The following ARHGAP21 variants were observed in gnomAD, a reference collection of about 807,000 sequenced individuals.
ARHGAP21 encodes rho GTPase-activating protein 21.
ARHGAP21 carries 38 observed loss-of-function variants against 164.6 expected under a neutral mutation model. The observed-to-expected ratio is 0.23, with a 90% CI of 0.18 to 0.30. The LOEUF (loss-of-function observed/expected upper bound fraction) is 0.30. Ranked by LOEUF, ARHGAP21 falls within the 10% of genes least tolerant of loss-of-function variation. The pLI is 1.00. For synonymous variants in ARHGAP21, 766 were observed against 857.9 expected (o/e 0.89, Z 1.87); for missense variants, 1,822 against 2,370.7 (o/e 0.77, Z 4.81).
At chr10:24,604,398 T>G in intron 11 of ARHGAP21, 50 bp from the exon 12 acceptor site, 1 of 1,292,772 alleles carries the variant, frequency 7.7e-7, no homozygotes, top group East Asian at 2.4e-5. Flanking sequence ...AAAAAAAATC[T>G]TAAAGATGTA....
chr10:24,595,504 T>TATTA (rs2076542900), intron 19 of ARHGAP21, among the ~76,000 whole-genome samples: 1 of 152,218 alleles, frequency 6.6e-6, no homozygotes, highest in Non-Finnish European at 1.5e-5. Context: ...GAAACAATAA[T>TATTA]ATTAATTTGG....
intron 3 of ARHGAP21, 128 bp downstream of exon 3, chr10:24,670,090 A>G (rs1840560261): frequency 7.3e-6 from 4 of 544,908 alleles, no homozygotes; most frequent in African/African-American, 5.9e-5. Flanking sequence ...TATAATAAAA[A>G]TTCAAATGTA....
intron 2 of ARHGAP21, 119 bp downstream of exon 2, chr10:24,721,718 C>G: frequency 2.5e-6 from 3 of 1,196,736 alleles, no homozygotes; most frequent in Non-Finnish European, 3.6e-6. Flanking sequence ...CTCCCGCCAA[C>G]AGGCTCAAAG....
chr10:24,656,406 C>T (rs1240649239), intron 4 of ARHGAP21, among the ~76,000 whole-genome samples: 18 of 98,040 alleles, frequency 1.8e-4, no homozygotes, highest in Non-Finnish European at 2.3e-4. Context: ...GTCAGCCCTC[C>T]GCCCGGCCAG....
chr10:24,656,357 C>G (rs1212121303), intron 4 of ARHGAP21, among the ~76,000 whole-genome samples: 66 of 91,630 alleles, frequency 7.2e-4, no homozygotes, highest in Admixed American at 1.5e-3. Flanking sequence ...TCAGCCCCCC[C>G]ACCCGGCCAG....
At chr10:24,696,311 CTG>C (rs1224929396) in intron 2 of ARHGAP21, among the ~76,000 whole-genome samples, 1 of 152,176 alleles carries the variant, frequency 6.6e-6, no homozygotes, top group Non-Finnish European at 1.5e-5. Flanking sequence ...ACAGAAAGCT[CTG>C]AGAATCTGCA....
At chr10:24,601,881 A>G (rs1390182950) in intron 13 of ARHGAP21, 97 bp downstream of exon 13, 1 of 1,275,180 alleles carries the variant, frequency 7.8e-7, no homozygotes, top group Non-Finnish European at 1.0e-6. Context: ...TTCACTCTTT[A>G]ATCTGGATAT....
At chr10:24,656,202 G>A (rs1228274260) in intron 4 of ARHGAP21, among the ~76,000 whole-genome samples, 4 of 139,718 alleles carry the variant, frequency 2.9e-5, no homozygotes, top group African/African-American at 5.7e-5. Flanking sequence ...CGCCCCATCC[G>A]GGAGGGAGGT....
chr10:24,597,410 T>C, intron 16 of ARHGAP21, 37 bp downstream of exon 16: 1 of 1,597,706 alleles, frequency 6.3e-7, no homozygotes, highest in Non-Finnish European at 8.5e-7. Flanking sequence ...CAATTTTAAA[T>C]CATTATATTT....
At chr10:24,592,417 C>A (rs2076374353) in intron 21 of ARHGAP21, among the ~76,000 whole-genome samples, 1 of 152,102 alleles carries the variant, frequency 6.6e-6, no homozygotes, top group Non-Finnish European at 1.5e-5. Context: ...AATTAGCATT[C>A]ATTTTTTTCC....
chr10:24,607,464 A>G, intron 11 of ARHGAP21, 35 bp downstream of exon 11: 1 of 1,576,726 alleles, frequency 6.3e-7, no homozygotes, highest in Non-Finnish European at 8.7e-7. Context: ...ACCCACCCAC[A>G]TACAAATATT....
intron 4 of ARHGAP21, among the ~76,000 whole-genome samples, chr10:24,656,368 C>T (rs1425974179): frequency 3.1e-4 from 33 of 104,918 alleles, no homozygotes; most frequent in Non-Finnish European, 3.6e-4. Flanking sequence ...ACCCGGCCAG[C>T]CGCCCCGTCC....
intron 4 of ARHGAP21, among the ~76,000 whole-genome samples, chr10:24,656,466 T>G (rs9663680): frequency 0.099 from 2,299 of 23,312 alleles, 210 homozygotes; most frequent in Admixed American, 0.15. Flanking sequence ...ACCCCTACTG[T>G]GAAGTGAGGA....
intron 4 of ARHGAP21, among the ~76,000 whole-genome samples, chr10:24,660,741 C>CAT (rs1158042476): frequency 6.6e-6 from 1 of 152,224 alleles, no homozygotes; most frequent in Non-Finnish European, 1.5e-5. Flanking sequence ...AATACAACAT[C>CAT]ATACATTTCC....
intron 2 of ARHGAP21, among the ~76,000 whole-genome samples, chr10:24,711,616 T>C (rs1040965350): frequency 6.6e-6 from 1 of 152,172 alleles, no homozygotes; most frequent in South Asian, 2.1e-4. Flanking sequence ...TGCAGCCAGA[T>C]AGCAAGCCAA....
rs551135906 is a variant in ARHGAP21 at position 24,598,680 on chromosome 10, A to AT, written c.3133-672dup. On this transcript the variant is annotated intron_variant, in intron 14 of 25. Transcript: ENST00000396432. ...ACATTGATATTGACTGGGGTTCTCA[A>AT]TTTTTTTTAACTTGCCTCATTTTGA... is the stretch of plus-strand genomic sequence containing the variant. 1.8e-3 allele frequency among the ~76,000 whole-genome samples: 274 copies of AT among 151,988 alleles called. 1 individual carries two copies. The highest frequency in any genetic ancestry group is 6.4e-3 in the African/African-American group (264 of 41,476).
intron 2 of ARHGAP21, among the ~76,000 whole-genome samples, chr10:24,680,253 GTA>G (rs1841642528): frequency 6.6e-6 from 1 of 151,848 alleles, no homozygotes; most frequent in Non-Finnish European, 1.5e-5. Flanking sequence ...ATTCTTCCCC[GTA>G]ACAGCTTTTT....
chr10:24,654,709 G>C (rs1464784778), intron 4 of ARHGAP21, among the ~76,000 whole-genome samples: 2 of 152,156 alleles, frequency 1.3e-5, no homozygotes, highest in Non-Finnish European at 2.9e-5. Context: ...GTAATTTATA[G>C]ATTCAATGCC....
intron 1 of ARHGAP21, chr10:24,723,018 C>A (rs1846086449): frequency 6.6e-6 from 1 of 152,064 alleles, no homozygotes; most frequent in East Asian, 1.9e-4. Flanking sequence ...AAAAGCAAAC[C>A]ACCACCCACC....
Sources: allele counts gnomAD v4.1 joint callset (sites outside exome capture counted in the v4.1 genomes callset), GRCh38; gene constraint gnomAD v4.1.1; transcripts MANE v1.5; gene names NCBI Gene and HGNC (gene_info 2026-07-23, HGNC 2026-07-21).